The following C1orf159 variants were observed in gnomAD, a reference collection of about 807,000 sequenced individuals.
The protein encoded by C1orf159 is chromosome 1 open reading frame 159.
In C1orf159, 19 loss-of-function variants were observed where a neutral mutation model predicts 25.6. The observed-to-expected ratio is 0.74, with a 90% CI of 0.52 to 1.09. The LOEUF is 1.09. Among genes scored for constraint, C1orf159 ranks in the 50% least tolerant of loss-of-function variants. The pLI is 0.00. For missense variants in C1orf159, 274 were observed against 290.6 expected, an observed-to-expected ratio of 0.94 and a Z score of 0.42; for synonymous variants, 139 against 124.7, an observed-to-expected ratio of 1.12 and a Z score of -0.77.
chr1:1,087,887 T>G lies in C1orf159; in HGVS notation c.149-290A>C, dbSNP rs952220540. ...CACCCCGGCCCCGAGTACTCCACGC[T>G]GCACTCTCCACGCCGAGCACCCCAG... On this transcript the variant is annotated intron_variant, in intron 4 of 9. Transcript: ENST00000421241. The surrounding 1 kb of genome is among the most constrained non-coding windows in gnomAD (Gnocchi z 8.3). Among the ~76,000 whole-genome samples, 50 of 144,790 alleles carry G rather than the reference T, an allele frequency of 3.5e-4. No individual in the cohort carries two copies. The highest frequency in any genetic ancestry group is 6.2e-4 in the Non-Finnish European group (41 of 65,876). The allele number at this position is 144,790 out of a possible 152,430, so 95.0% of individuals were successfully genotyped here.
intron 1 of C1orf159, among the ~76,000 whole-genome samples, chr1:1,109,891 G>A (rs535563866): frequency 6.6e-6 from 1 of 152,202 alleles, no homozygotes; most frequent in Non-Finnish European, 1.5e-5. Context: ...GAACCAGTCC[G>A]TGGCCAGTGG....
chr1:1,099,382 C>CTGT (rs1430160831), intron 1 of C1orf159, among the ~76,000 whole-genome samples: 3 of 150,708 alleles, frequency 2.0e-5, no homozygotes, highest in African/African-American at 4.9e-5. Flanking sequence ...TGTTTTTGGT[C>CTGT]TATTCTAAGA....
At position 1,114,428 on chromosome 1, in the gene C1orf159, G is replaced by A. The variant is rs537075189; in HGVS notation, c.-136+1632C>T. 5.9e-5 allele frequency among the ~76,000 whole-genome samples: 9 copies of A among 152,268 alleles called. No individual in the cohort carries two copies. The South Asian group carries it at 1.4e-3, about 25-fold the overall frequency. ...GATCTCCCACCCCAGCACCCACAGC[G>A]CTAGCTGTTCTTTAAATGAGCTACC... On this transcript the variant is annotated intron_variant, in intron 1 of 9. Coordinates refer to ENST00000421241, the MANE Select transcript of C1orf159 (RefSeq NM_017891.5).
intron 1 of C1orf159, among the ~76,000 whole-genome samples, chr1:1,113,218 T>C (rs1482437659): frequency 6.6e-6 from 1 of 150,402 alleles, no homozygotes; most frequent in African/African-American, 2.4e-5. Context: ...AAAACTTGCC[T>C]CAGTCTCTCC....
intron 1 of C1orf159, among the ~76,000 whole-genome samples, chr1:1,099,081 T>G: frequency 6.8e-6 from 1 of 146,606 alleles, no homozygotes; most frequent in East Asian, 2.0e-4. Context: ...TTTTGGTCTA[T>G]TCTAAGAATC....
chr1:1,113,101 C>T (rs549224298), intron 1 of C1orf159, among the ~76,000 whole-genome samples: 1 of 151,454 alleles, frequency 6.6e-6, no homozygotes, highest in Admixed American at 6.6e-5. Flanking sequence ...GAGGCTGAGG[C>T]AGGAGAATGA....
chr1:1,094,398 TTTGTC>T (rs1645982235), intron 1 of C1orf159, among the ~76,000 whole-genome samples: 1 of 151,894 alleles, frequency 6.6e-6, no homozygotes, highest in South Asian at 2.1e-4. Context: ...CATCCTGTGG[TTTGTC>T]TTATCATCTT....
Position 1,110,781 on chromosome 1 carries a change from C to T in C1orf159, c.-136+5279G>A, listed in dbSNP as rs567214101. ...GCCCTCAGAGACGACGAGCACGCAA[C>T]AGCGCATCCCACACCCACTCCTTGT... On this transcript the variant is annotated intron_variant, in intron 1 of 9. Coordinates refer to ENST00000421241, the MANE Select transcript of C1orf159 (RefSeq NM_017891.5). This position sits in a 1 kb window ranked among gnomAD's most constrained non-coding sequence, Gnocchi z 4.8. Among the ~76,000 whole-genome samples, 7 of 152,352 alleles carry T rather than the reference C, an allele frequency of 4.6e-5. No homozygotes were observed. In the South Asian group the frequency reaches 1.2e-3, roughly 27 times the overall value.
chr1:1,109,715 C>G (rs563362486), intron 1 of C1orf159, among the ~76,000 whole-genome samples: 1 of 152,330 alleles, frequency 6.6e-6, no homozygotes, highest in East Asian at 1.9e-4. Flanking sequence ...GCGCTCCTCT[C>G]TCCTGTCTTA....
intron 1 of C1orf159, among the ~76,000 whole-genome samples, chr1:1,107,541 G>C (rs1646190770): frequency 6.6e-6 from 1 of 152,134 alleles, no homozygotes; most frequent in Non-Finnish European, 1.5e-5. Flanking sequence ...TTTACGTCTA[G>C]CTAGAGGACT....
intron 9 of C1orf159, chr1:1,083,243 G>C: frequency 2.1e-6 from 1 of 466,552 alleles, no homozygotes. Flanking sequence ...GCCTGGACAA[G>C]GGCCAGGCGA....
At chr1:1,103,446 A>G (rs1646130308) in intron 1 of C1orf159, among the ~76,000 whole-genome samples, 1 of 152,232 alleles carries the variant, frequency 6.6e-6, no homozygotes. Flanking sequence ...GAATTCTGTG[A>G]TATTCCTCTG....
chr1:1,101,512 C>CA (rs1224016113), intron 1 of C1orf159, among the ~76,000 whole-genome samples: 1 of 152,032 alleles, frequency 6.6e-6, no homozygotes, highest in African/African-American at 2.4e-5. Context: ...CTCACAGACT[C>CA]AGTCTATCAG....
At chr1:1,099,991 C>T (rs1043209779) in intron 1 of C1orf159, among the ~76,000 whole-genome samples, 2 of 144,666 alleles carry the variant, frequency 1.4e-5, no homozygotes, top group African/African-American at 5.4e-5. Flanking sequence ...ATGGCACATG[C>T]CCCTAATCCC....
chr1:1,097,683 A>G (rs1646028809), intron 1 of C1orf159, among the ~76,000 whole-genome samples: 1 of 146,492 alleles, frequency 6.8e-6, no homozygotes, highest in Admixed American at 7.0e-5. Flanking sequence ...TATGCCTCCC[A>G]AAGTGCTGGG....
In C1orf159 at chr1:1,086,061, C is replaced by T. The variant is rs766273932; in HGVS notation, c.311-49G>A. On this transcript the variant is annotated intron_variant, in intron 6 of 9. Coordinates refer to ENST00000421241, the MANE Select transcript of C1orf159 (RefSeq NM_017891.5). ...GACGGGCAGGACGGTGGCCCTGGCT[C>T]CTCGCCTGGCCCCCGGTGCCCCCTG... 4 of 1,600,558 alleles carry T rather than the reference C, an allele frequency of 2.5e-6. No individual in the cohort carries two copies. In the South Asian group the frequency reaches 3.3e-5, roughly 13 times the overall value.
At chr1:1,090,326 G>C (rs1291905972) in intron 4 of C1orf159, 27 bp downstream of exon 4, 3 of 1,550,078 alleles carry the variant, frequency 1.9e-6, no homozygotes, top group Non-Finnish European at 2.6e-6. Flanking sequence ...GGCCGGTCTG[G>C]AATCTGCTTG....
Position 1,084,497 on chromosome 1 carries a change from A to C in C1orf159, c.455T>G (p.Leu152Arg). The part of the protein sequence containing the change: ...ACYRRNKAPA[L>R]QPGEAAAMIP... ...GTTACTTACGGCTTCGCCAGGCTGC[A>C]GGGCCGGAGCTGTGGGGGAGAAAGC... is the stretch of plus-strand genomic sequence containing the variant. The change falls in exon 8 of 10, where the codon CTG (leucine) becomes CGG (arginine). Residue 152 changes from leucine to arginine, a missense_variant. Coordinates refer to ENST00000421241, the MANE Select transcript of C1orf159 (RefSeq NM_017891.5). 1.3e-6 allele frequency: 2 copies of C among 1,555,434 alleles called. No homozygotes were observed. The highest frequency in any genetic ancestry group is 1.7e-6 in the Non-Finnish European group (2 of 1,149,834).
intron 1 of C1orf159, among the ~76,000 whole-genome samples, chr1:1,094,331 A>T (rs990350351): frequency 2.0e-5 from 3 of 152,006 alleles, no homozygotes; most frequent in Non-Finnish European, 4.4e-5. Context: ...CGTCACCACC[A>T]CGCTCAGCTA....
Sources: gnomAD v4.1 joint callset for allele counts (sites outside exome capture counted in the v4.1 genomes callset) on GRCh38, gnomAD v4.1.1 for gene constraint, Gnocchi (gnomAD v3.1) non-coding constraint, MANE v1.5 for transcripts, NCBI Gene and HGNC (gene_info 2026-07-23, HGNC 2026-07-21) for gene names.